Variants in PCDHGA7 observed in about 807,000 individuals in gnomAD.
PCDHGA7 encodes protocadherin gamma-A7.
PCDHGA7 carries 44 observed loss-of-function variants against 58.3 expected under a neutral mutation model. The ratio of observed to expected loss-of-function variants is 0.75; its 90% confidence interval spans 0.59 to 0.97. The LOEUF (loss-of-function observed/expected upper bound fraction) is 0.97, where lower values mean the gene tolerates loss of function less well. Ranked by LOEUF, PCDHGA7 falls within the 50% of genes least tolerant of loss-of-function variation. The pLI is 0.00. For synonymous variants in PCDHGA7, 516 were observed against 504.2 expected, an observed-to-expected ratio of 1.02 and a Z score of -0.31; for missense variants, 1,266 against 1,188.7, an observed-to-expected ratio of 1.06 and a Z score of -0.96.
chr5:141,472,254 T>C (rs1031738513), intron 1 of PCDHGA7, among the ~76,000 whole-genome samples: 1 of 152,074 alleles, frequency 6.6e-6, no homozygotes, highest in Admixed American at 6.6e-5. Context: ...TTTAAAGTTA[T>C]ATTATAGCCG....
intron 1 of PCDHGA7, chr5:141,427,206 G>C (rs1224325038): frequency 1.1e-5 from 5 of 456,606 alleles, no homozygotes; most frequent in Admixed American, 2.3e-5. Context: ...AATAGACTTC[G>C]AATTTCGTAG....
At chr5:141,410,698 C>G in intron 1 of PCDHGA7, 1 of 1,482,836 alleles carries the variant, frequency 6.7e-7, no homozygotes, top group Non-Finnish European at 9.0e-7. Context: ...ACTTTATTTT[C>G]ATATCTAGAA....
chr5:141,391,553 T>G (rs2150453893), intron 1 of PCDHGA7: 1 of 152,348 alleles, frequency 6.6e-6, no homozygotes, highest in South Asian at 2.1e-4. Context: ...CTACCCAGTT[T>G]TCCATATGCA....
chr5:141,402,684 A>G (rs2094294341), intron 1 of PCDHGA7, among the ~76,000 whole-genome samples: 1 of 152,144 alleles, frequency 6.6e-6, no homozygotes, highest in African/African-American at 2.4e-5. Context: ...ATCTGATATA[A>G]TGTTACACAT....
At chr5:141,400,232 C>CT (rs1207022796) in intron 1 of PCDHGA7, 6 of 1,613,914 alleles carry the variant, frequency 3.7e-6, no homozygotes, top group African/African-American at 1.3e-5. Context: ...TTCCTCCTGG[C>CT]CGTGATTCTG....
Position 141,432,812 on chromosome 5 carries a change from G to A in PCDHGA7, c.2424+47489G>A, listed in dbSNP as rs753429933. ...CAGCCTCGAGTCTCCAGCTAACTCT[G>A]AAACCTCAGACCTCACTCTGTACCT... On this transcript the variant is annotated intron_variant, in intron 1 of 3. Coordinates refer to ENST00000518325, the MANE Select transcript of PCDHGA7 (RefSeq NM_018920.4). This position sits in a 1 kb window ranked among gnomAD's most constrained non-coding sequence, Gnocchi z 6.0. 1.2e-6 allele frequency: 2 copies of A among 1,614,176 alleles called. No homozygotes were observed. Among genetic ancestry groups the A allele is most frequent in the Non-Finnish European group, 1.7e-6 (2 of 1,180,014 alleles).
At chr5:141,388,590 A>G in intron 1 of PCDHGA7, 9 of 1,613,920 alleles carry the variant, frequency 5.6e-6, no homozygotes, top group Non-Finnish European at 7.6e-6. Flanking sequence ...GACTGATGCC[A>G]ATGATAATGC....
In PCDHGA7 at chr5:141,423,270, T is replaced by G. The variant is rs1304998648; in HGVS notation, c.2424+37947T>G. 3 of 1,613,686 alleles carry G rather than the reference T, an allele frequency of 1.9e-6. No homozygotes were observed. The African/African-American group carries it at 4.0e-5, about 22-fold the overall frequency. ...TGGCGGACCTCGGCAGCCTCGAGTC[T>G]CTGGCTAACTCTGAAACCTCAGACC... is the stretch of plus-strand genomic sequence containing the variant. On this transcript the variant is annotated intron_variant, in intron 1 of 3. Transcript: ENST00000518325.
In PCDHGA7 at chr5:141,432,601, G is replaced by A. The variant is rs1313279772; in HGVS notation, c.2424+47278G>A. The A allele has an allele frequency of 5.6e-6, 9 of 1,613,950 alleles. No homozygotes were observed. Among genetic ancestry groups the A allele is most frequent in the Admixed American group, 1.7e-5 (1 of 60,030 alleles). On this transcript the variant is annotated intron_variant, in intron 1 of 3. Transcript: ENST00000518325. The surrounding 1 kb of genome is among the most constrained non-coding windows in gnomAD (Gnocchi z 6.0). ...ACCGTCTGCTCAAGGCCAGCGAGCC[G>A]GGACTCTTCTCGGTGGGTCTGCACA...
At chr5:141,453,240 A>G (rs1470706774) in intron 1 of PCDHGA7, among the ~76,000 whole-genome samples, 1 of 152,020 alleles carries the variant, frequency 6.6e-6, no homozygotes, top group African/African-American at 2.4e-5. Context: ...CAGCCTCCCA[A>G]ATAGCTGGGG....
intron 1 of PCDHGA7, among the ~76,000 whole-genome samples, chr5:141,429,781 A>G (rs2097245343): frequency 1.3e-5 from 2 of 152,186 alleles, no homozygotes; most frequent in Non-Finnish European, 2.9e-5. Context: ...TGGGCTTCCA[A>G]AAGTATTACC....
At position 141,470,736 on chromosome 5, in the gene PCDHGA7, C is replaced by T. The variant is rs541510544; in HGVS notation, c.2425-24071C>T. ...TTTTTGAGTCAGGGTCTTGCTCTGT[C>T]GCCCTGGCTGGAGTGCAGTGGACTC... On this transcript the variant is annotated intron_variant, in intron 1 of 3. Coordinates refer to ENST00000518325, the MANE Select transcript of PCDHGA7 (RefSeq NM_018920.4). Among the ~76,000 whole-genome samples, 104 of 152,208 alleles carry T rather than the reference C, an allele frequency of 6.8e-4. 2 individuals carry two copies. Among genetic ancestry groups the T allele is most frequent in the African/African-American group, 2.4e-3 (98 of 41,522 alleles).
chr5:141,432,305 G>T lies in PCDHGA7; in HGVS notation c.2424+46982G>T. 1 of 1,614,254 alleles carries T rather than the reference G, an allele frequency of 6.2e-7. No individual in the cohort carries two copies. Among genetic ancestry groups the T allele is most frequent in the African/African-American group, 1.3e-5 (1 of 75,072 alleles). ...CAACTCCGACACTGGGGTACTGTAT[G>T]CGCTGAGCTCCTTCGACTACGAGCA... On this transcript the variant is annotated intron_variant, in intron 1 of 3. Transcript: ENST00000518325. This position sits in a 1 kb window ranked among gnomAD's most constrained non-coding sequence, Gnocchi z 6.0.
intron 1 of PCDHGA7, chr5:141,404,633 G>C: frequency 6.2e-7 from 1 of 1,614,170 alleles, no homozygotes; most frequent in Non-Finnish European, 8.5e-7. Flanking sequence ...CAATGCCCCA[G>C]AAATCCTGTA....
At chr5:141,494,922 C>T (rs1401836511) in intron 2 of PCDHGA7, 57 bp downstream of exon 2, 23 of 1,613,670 alleles carry the variant, frequency 1.4e-5, no homozygotes, top group Non-Finnish European at 1.9e-5. Flanking sequence ...TCAGGGATGA[C>T]GTGGGAGGAG....
intron 3 of PCDHGA7, among the ~76,000 whole-genome samples, chr5:141,506,116 A>T: frequency 6.6e-6 from 1 of 152,136 alleles, no homozygotes; most frequent in East Asian, 1.9e-4. Flanking sequence ...AAGAGTCACT[A>T]GGGCCCAGAG....
At chr5:141,397,223 T>C (rs144227558) in intron 1 of PCDHGA7, among the ~76,000 whole-genome samples, 1 of 152,304 alleles carries the variant, frequency 6.6e-6, no homozygotes, top group East Asian at 1.9e-4. Context: ...TATTTTGAGA[T>C]ATGAAGAAGA....
intron 1 of PCDHGA7, chr5:141,415,762 T>TTTTG: frequency 2.1e-6 from 3 of 1,399,986 alleles, no homozygotes; most frequent in Non-Finnish European, 2.8e-6. Flanking sequence ...TTTTTTTTTT[T>TTTTG]TTTTTTTTTT....
chr5:141,390,020 C>A, intron 1 of PCDHGA7: 2 of 1,614,048 alleles, frequency 1.2e-6, no homozygotes, highest in Non-Finnish European at 1.7e-6. Flanking sequence ...TTGCCTTGCG[C>A]CTGCGACGCT....
Sources: allele counts gnomAD v4.1 joint callset (sites outside exome capture counted in the v4.1 genomes callset), GRCh38; gene constraint gnomAD v4.1.1; non-coding constraint Gnocchi (gnomAD v3.1); transcripts MANE v1.5; gene names NCBI Gene and HGNC (gene_info 2026-07-23, HGNC 2026-07-21).